Variants in RGS6 observed in about 807,000 individuals in gnomAD.
The protein encoded by RGS6 is regulator of G protein signaling 6.
Under a neutral mutation model 78.5 loss-of-function variants are expected in RGS6, and 30 were observed. The ratio of observed to expected loss-of-function variants is 0.38; its 90% confidence interval spans 0.29 to 0.52. The LOEUF (loss-of-function observed/expected upper bound fraction) is 0.52. RGS6 is among the 20% of genes least tolerant of loss of function. RGS6 has a pLI of 0.85. For synonymous variants in RGS6, 206 were observed against 206.0 expected, an observed-to-expected ratio of 1.00 and a Z score of 0.00; for missense variants, 495 against 609.7, an observed-to-expected ratio of 0.81 and a Z score of 1.98.
At chr14:72,291,424 G>C (rs756988207) in intron 2 of RGS6, among the ~76,000 whole-genome samples, 5 of 152,064 alleles carry the variant, frequency 3.3e-5, no homozygotes, top group Non-Finnish European at 5.9e-5. Context: ...CTCCTGAAGT[G>C]CTTGTCCTCT....
chr14:72,438,669 A>G (rs2095052496), intron 3 of RGS6, among the ~76,000 whole-genome samples: 1 of 152,134 alleles, frequency 6.6e-6, no homozygotes, highest in African/African-American at 2.4e-5. Flanking sequence ...ATTTCACCAT[A>G]TCACCTGTGC....
intron 2 of RGS6, among the ~76,000 whole-genome samples, chr14:72,013,343 A>G (rs573561781): frequency 1.6e-4 from 12 of 74,818 alleles, no homozygotes; most frequent in African/African-American, 4.2e-4. Context: ...AGTAAGGTGA[A>G]TGACACATTA....
intron 1 of RGS6, among the ~76,000 whole-genome samples, chr14:71,964,341 T>C (rs1413433942): frequency 6.6e-6 from 1 of 152,128 alleles, no homozygotes; most frequent in Non-Finnish European, 1.5e-5. Context: ...ACCCTGTCTC[T>C]ACTAAAAATA....
chr14:72,215,210 CAAATGT>C (rs978840701), intron 2 of RGS6, among the ~76,000 whole-genome samples: 1 of 152,184 alleles, frequency 6.6e-6, no homozygotes, highest in African/African-American at 2.4e-5. Context: ...CCTTACTGTT[CAAATGT>C]GTAAAAACTC....
intron 2 of RGS6, among the ~76,000 whole-genome samples, chr14:72,299,652 A>G (rs990523358): frequency 2.0e-5 from 3 of 152,168 alleles, no homozygotes; most frequent in Admixed American, 6.5e-5. Flanking sequence ...GGTGTCATCT[A>G]TCTTTTTTAT....
intron 2 of RGS6, among the ~76,000 whole-genome samples, chr14:72,285,924 G>A (rs1274257390): frequency 6.6e-6 from 1 of 152,188 alleles, no homozygotes; most frequent in Non-Finnish European, 1.5e-5. Flanking sequence ...ACCCTTGTCA[G>A]ATATGTGGTT....
intron 2 of RGS6, among the ~76,000 whole-genome samples, chr14:72,269,550 A>G (rs2059601131): frequency 6.8e-6 from 1 of 146,190 alleles, no homozygotes; most frequent in African/African-American, 2.5e-5. Flanking sequence ...ATGTTTTTAC[A>G]GTGAAACCTA....
chr14:72,271,920 CTT>C (rs35019998), intron 2 of RGS6, among the ~76,000 whole-genome samples: 5,872 of 132,656 alleles, frequency 0.044, 313 homozygotes, highest in African/African-American at 0.15. Context: ...CACAGCATCA[CTT>C]TTTTTTTTTT....
At chr14:72,227,686 T>A (rs1295439448) in intron 2 of RGS6, among the ~76,000 whole-genome samples, 1 of 152,242 alleles carries the variant, frequency 6.6e-6, no homozygotes, top group Non-Finnish European at 1.5e-5. Context: ...TATTAGATGT[T>A]AAAGTTTTAG....
intron 2 of RGS6, among the ~76,000 whole-genome samples, chr14:72,164,694 CTT>C (rs34804258): frequency 0.35 from 53,062 of 151,866 alleles, 9,418 homozygotes; most frequent in East Asian, 0.42. Flanking sequence ...AATGTCATGA[CTT>C]TGCCCTCCCC....
chr14:72,221,751 T>G (rs2046917243), intron 2 of RGS6, among the ~76,000 whole-genome samples: 1 of 152,162 alleles, frequency 6.6e-6, no homozygotes, highest in Non-Finnish European at 1.5e-5. Flanking sequence ...ATTCTTGAGT[T>G]TCACTGATTT....
chr14:72,402,487 A>G (rs1226594946), intron 3 of RGS6, among the ~76,000 whole-genome samples: 1 of 152,234 alleles, frequency 6.6e-6, no homozygotes, highest in Non-Finnish European at 1.5e-5. Context: ...CAAATGGCCA[A>G]GAGGTATATG....
intron 2 of RGS6, among the ~76,000 whole-genome samples, chr14:72,094,194 GTTTC>G (rs1311176007): frequency 2.0e-5 from 3 of 152,218 alleles, no homozygotes; most frequent in African/African-American, 7.2e-5. Context: ...AAAGCAAAGT[GTTTC>G]TTTTTTGCCT....
chr14:72,396,358 A>G (rs952598738), intron 3 of RGS6, among the ~76,000 whole-genome samples: 1 of 152,122 alleles, frequency 6.6e-6, no homozygotes, highest in Non-Finnish European at 1.5e-5. Flanking sequence ...GTCTGTTCAT[A>G]TCCTTCACCC....
chr14:72,498,675 A>G (rs373742335), intron 13 of RGS6, among the ~76,000 whole-genome samples: 1 of 152,118 alleles, frequency 6.6e-6, no homozygotes, highest in South Asian at 2.1e-4. Flanking sequence ...GGTATGGGCC[A>G]ATGGTTCTAA....
At chr14:72,541,603 A>G in intron 17 of RGS6, 3 of 1,535,628 alleles carry the variant, frequency 2.0e-6, no homozygotes, top group African/African-American at 1.4e-5. Context: ...CCTTCACTCC[A>G]TGATGGCCTG....
intron 3 of RGS6, among the ~76,000 whole-genome samples, chr14:72,408,463 A>G (rs1481013413): frequency 6.6e-6 from 1 of 152,206 alleles, no homozygotes; most frequent in African/African-American, 2.4e-5. Flanking sequence ...GACTTCATCT[A>G]AAATCACATC....
chr14:72,052,181 C>T (rs1246843981), intron 2 of RGS6, among the ~76,000 whole-genome samples: 3 of 152,096 alleles, frequency 2.0e-5, no homozygotes, highest in Admixed American at 2.0e-4. Context: ...GTTTATCCCC[C>T]CAAAAAGCCT....
At chr14:72,355,005 C>T (rs12892244) in intron 3 of RGS6, among the ~76,000 whole-genome samples, 2 of 151,988 alleles carry the variant, frequency 1.3e-5, no homozygotes, top group African/African-American at 4.8e-5. Context: ...ATTTCACAGG[C>T]CACACTGATC....
Sources: gnomAD v4.1 joint callset for allele counts (sites outside exome capture counted in the v4.1 genomes callset) on GRCh38, gnomAD v4.1.1 for gene constraint, MANE v1.5 for transcripts, NCBI Gene and HGNC (gene_info 2026-07-23, HGNC 2026-07-21) for gene names.